Variants in TMEM132D observed in about 807,000 individuals in gnomAD.
TMEM132D encodes mature OL transmembrane protein.
A neutral mutation model predicts 62.3 loss-of-function variants in TMEM132D; 21 were observed. The observed-to-expected ratio is 0.34, with a 90% CI of 0.24 to 0.49. The LOEUF (loss-of-function observed/expected upper bound fraction) is 0.49. Ranked by LOEUF, TMEM132D falls within the 20% of genes least tolerant of loss-of-function variation. TMEM132D has a pLI of 0.99. For missense variants in TMEM132D, 1,346 were observed against 1,402.8 expected (o/e 0.96, Z 0.65); for synonymous variants, 621 against 575.6 (o/e 1.08, Z -1.13).
At chr12:129,769,086 A>G (rs1870645865) in intron 1 of TMEM132D, among the ~76,000 whole-genome samples, 1 of 152,198 alleles carries the variant, frequency 6.6e-6, no homozygotes, top group African/African-American at 2.4e-5. Flanking sequence ...CAGTTTGAAG[A>G]GAAGATTTCA....
rs566781219 is a variant in TMEM132D at position 129,492,799 on chromosome 12, C to A, written c.1115+38260G>T. Among the ~76,000 whole-genome samples the A allele has an allele frequency of 3.3e-5, 5 of 152,222 alleles. No homozygotes were observed. In the South Asian group the frequency reaches 6.2e-4, roughly 19 times the overall value. On this transcript the variant is annotated intron_variant, in intron 3 of 8. Coordinates refer to ENST00000422113, the MANE Select transcript of TMEM132D (RefSeq NM_133448.3). ...TTACCCTCAAGTCACTAAGGTCTACCCATGAACAAAGCACGGGCAATCGGG... is the reference window on the plus strand; with the variant it reads ...TTACCCTCAAGTCACTAAGGTCTACACATGAACAAAGCACGGGCAATCGGG...
At chr12:129,628,308 G>A (rs1242105216) in intron 2 of TMEM132D, among the ~76,000 whole-genome samples, 1 of 152,176 alleles carries the variant, frequency 6.6e-6, no homozygotes, top group Non-Finnish European at 1.5e-5. Flanking sequence ...TCAGCCATAG[G>A]TTGTGTGCTG....
intron 3 of TMEM132D, among the ~76,000 whole-genome samples, chr12:129,450,158 T>C (rs943152048): frequency 2.6e-5 from 4 of 152,186 alleles, no homozygotes; most frequent in Non-Finnish European, 5.9e-5. Flanking sequence ...TTCTGTAGGT[T>C]GTCTGTTTAC....
At chr12:129,473,996 G>C (rs1262402246) in intron 3 of TMEM132D, among the ~76,000 whole-genome samples, 1 of 152,170 alleles carries the variant, frequency 6.6e-6, no homozygotes, top group Non-Finnish European at 1.5e-5. Flanking sequence ...GTTTTTTGGA[G>C]ACTTTCAACG....
At chr12:129,198,068 A>G (rs569413166) in intron 5 of TMEM132D, among the ~76,000 whole-genome samples, 1 of 152,214 alleles carries the variant, frequency 6.6e-6, no homozygotes, top group South Asian at 2.1e-4. Flanking sequence ...AATGAAGATT[A>G]AAACCATTCC....
intron 1 of TMEM132D, among the ~76,000 whole-genome samples, chr12:129,876,798 T>C (rs1874428111): frequency 6.6e-6 from 1 of 152,208 alleles, no homozygotes; most frequent in Non-Finnish European, 1.5e-5. Flanking sequence ...CCAAAAGTCA[T>C]GAAGCTCTCT....
intron 3 of TMEM132D, among the ~76,000 whole-genome samples, chr12:129,493,227 A>C (rs1874854043): frequency 6.6e-6 from 1 of 152,216 alleles, no homozygotes. Context: ...TTAATGGAAA[A>C]ATATTTGCTT....
intron 1 of TMEM132D, among the ~76,000 whole-genome samples, chr12:129,776,063 G>A (rs762931850): frequency 3.9e-5 from 6 of 152,050 alleles, no homozygotes; most frequent in South Asian, 2.1e-4. Flanking sequence ...ATATTGTGTC[G>A]TGCTGGTGAT....
intron 5 of TMEM132D, among the ~76,000 whole-genome samples, chr12:129,094,019 C>T (rs1385766667): frequency 2.0e-5 from 3 of 151,982 alleles, no homozygotes; most frequent in Non-Finnish European, 2.9e-5. Context: ...ACACCTTATA[C>T]AAAAATTAAT....
intron 4 of TMEM132D, among the ~76,000 whole-genome samples, chr12:129,335,479 AG>A (rs1343799511): frequency 6.6e-6 from 1 of 152,156 alleles, no homozygotes; most frequent in Non-Finnish European, 1.5e-5. Context: ...CAACTTTATA[AG>A]TAGGTATTAT....
chr12:129,663,248 C>T (rs1261672978), intron 2 of TMEM132D, among the ~76,000 whole-genome samples: 1 of 152,206 alleles, frequency 6.6e-6, no homozygotes, highest in East Asian at 1.9e-4. Flanking sequence ...AGCGATTCTC[C>T]TTGCCTTGGC....
intron 1 of TMEM132D, among the ~76,000 whole-genome samples, chr12:129,760,308 G>A (rs1870311546): frequency 6.9e-6 from 1 of 144,214 alleles, no homozygotes; most frequent in Non-Finnish European, 1.5e-5. Flanking sequence ...AGACAGAAAT[G>A]ATGTAAGCCA....
intron 1 of TMEM132D, among the ~76,000 whole-genome samples, chr12:129,825,052 C>T (rs1872627761): frequency 6.7e-6 from 1 of 148,806 alleles, no homozygotes; most frequent in Admixed American, 6.7e-5. Context: ...CTCACTCTGT[C>T]ACCCAGGCTG....
chr12:129,687,626 G>A (rs967564093), intron 2 of TMEM132D, among the ~76,000 whole-genome samples: 2 of 152,080 alleles, frequency 1.3e-5, no homozygotes, highest in African/African-American at 4.8e-5. Flanking sequence ...TCTGAAGTTT[G>A]AGCCACTGAC....
intron 2 of TMEM132D, among the ~76,000 whole-genome samples, chr12:129,600,048 T>C (rs1030361332): frequency 6.6e-6 from 1 of 152,244 alleles, no homozygotes; most frequent in African/African-American, 2.4e-5. Context: ...CTCTGTAGCA[T>C]GCGATGCCAT....
At chr12:129,170,549 G>A (rs1877690846) in intron 5 of TMEM132D, among the ~76,000 whole-genome samples, 1 of 152,186 alleles carries the variant, frequency 6.6e-6, no homozygotes. Flanking sequence ...TTGAGGGCCA[G>A]GCATGATGGC....
At chr12:129,464,783 G>T (rs1425156698) in intron 3 of TMEM132D, among the ~76,000 whole-genome samples, 1 of 152,074 alleles carries the variant, frequency 6.6e-6, no homozygotes, top group African/African-American at 2.4e-5. Context: ...GATAGTTGTA[G>T]ATATGCGGCG....
intron 5 of TMEM132D, among the ~76,000 whole-genome samples, chr12:129,202,048 G>A (rs1378323388): frequency 6.6e-6 from 1 of 152,130 alleles, no homozygotes; most frequent in Non-Finnish European, 1.5e-5. Context: ...ATCCTTGGGA[G>A]GCAGAAGAGA....
At chr12:129,513,802 ATT>A (rs546917620) in intron 3 of TMEM132D, among the ~76,000 whole-genome samples, 1 of 127,758 alleles carries the variant, frequency 7.8e-6, no homozygotes, top group African/African-American at 2.8e-5. Flanking sequence ...ACCAATTTTT[ATT>A]TTTATTTATT....
Sources: allele counts gnomAD v4.1 joint callset (sites outside exome capture counted in the v4.1 genomes callset), GRCh38; gene constraint gnomAD v4.1.1; transcripts MANE v1.5; gene names NCBI Gene and HGNC (gene_info 2026-07-23, HGNC 2026-07-21).